The following NAMPT variants were observed in gnomAD, a reference collection of about 807,000 sequenced individuals.
The protein encoded by NAMPT is NAmPRTase.
NAMPT carries 7 observed loss-of-function variants against 58.7 expected under a neutral mutation model. The observed-to-expected ratio is 0.12, with a 90% CI of 0.07 to 0.22. The LOEUF is 0.22. NAMPT is among the 10% of genes least tolerant of loss of function. The pLI, the probability that NAMPT is intolerant of heterozygous loss-of-function variation, is 1.00. For missense variants in NAMPT, 271 were observed against 567.9 expected (o/e 0.48, Z 5.31); for synonymous variants, 145 against 198.1 (o/e 0.73, Z 2.25).
At chr7:106,259,914 A>G (rs1263226588) in intron 8 of NAMPT, among the ~76,000 whole-genome samples, 2 of 140,616 alleles carry the variant, frequency 1.4e-5, no homozygotes, top group African/African-American at 2.6e-5. Context: ...AGTCGGTCCC[A>G]ACAGTGGGCT....
At chr7:106,281,565 G>C (rs1013877175) in intron 1 of NAMPT, among the ~76,000 whole-genome samples, 1 of 152,202 alleles carries the variant, frequency 6.6e-6, no homozygotes, top group African/African-American at 2.4e-5. Context: ...GATACACTCT[G>C]CCCAACACTG....
In NAMPT at chr7:106,250,835, C is replaced by G. The variant is rs1586008284; in HGVS notation, c.*248G>C. The G allele has an allele frequency of 1.3e-5, 6 of 447,526 alleles. No individual in the cohort carries two copies. In the East Asian group the frequency reaches 2.5e-4, roughly 19 times the overall value. The allele number at this position is 447,526 out of a possible 1,614,324, so 27.7% of individuals were successfully genotyped here. ...CTGTTATTTGTGAAAAGATCAATAC[C>G]AGATTGAATGACTACCTATTGGCAA... On this transcript the variant is annotated 3_prime_UTR_variant, in exon 11 of 11. Transcript: ENST00000222553.
intron 1 of NAMPT, among the ~76,000 whole-genome samples, chr7:106,278,252 A>AGAT (rs1325999377): frequency 2.0e-5 from 3 of 152,328 alleles, no homozygotes; most frequent in African/African-American, 7.2e-5. Flanking sequence ...AAGAATCCTA[A>AGAT]GATGAATATA....
At chr7:106,270,223 C>A in intron 4 of NAMPT, 1 of 344,158 alleles carries the variant, frequency 2.9e-6, no homozygotes, top group South Asian at 2.2e-5. Context: ...AAATTCACTT[C>A]TTCATTCTAA....
intron 1 of NAMPT, among the ~76,000 whole-genome samples, chr7:106,283,009 G>C (rs1276830368): frequency 6.6e-6 from 1 of 152,084 alleles, no homozygotes; most frequent in African/African-American, 2.4e-5. Flanking sequence ...TGAAACCTAA[G>C]ACTTAAATGT....
intron 2 of NAMPT, chr7:106,276,477 T>G (rs1319386219): frequency 3.9e-5 from 6 of 152,444 alleles, no homozygotes; most frequent in Non-Finnish European, 5.9e-5. Flanking sequence ...TCCTTTACTT[T>G]GAATTAATGA....
At chr7:106,285,285 G>C (rs1157837539), upstream of NAMPT, 9 of 723,406 alleles carry the variant, frequency 1.2e-5, no homozygotes, top group South Asian at 5.6e-5. Context: ...TGGAGGCAGC[G>C]GGGCAGCCCC....
At chr7:106,274,889 G>T (rs1248675689) in intron 3 of NAMPT, 57 bp downstream of exon 3, 1 of 1,099,434 alleles carries the variant, frequency 9.1e-7, no homozygotes, top group African/African-American at 1.6e-5. Flanking sequence ...TCCTTTGCAA[G>T]AAGTTTTGAA....
chr7:106,269,386 T>TTC, intron 4 of NAMPT, 74 bp from the exon 5 acceptor site: 1 of 1,405,536 alleles, frequency 7.1e-7, no homozygotes, highest in East Asian at 2.4e-5. Flanking sequence ...TCCTAGCTTT[T>TTC]TTTTTTTTTT....
intron 8 of NAMPT, among the ~76,000 whole-genome samples, chr7:106,259,070 A>T (rs1328616216): frequency 6.6e-6 from 1 of 152,230 alleles, no homozygotes; most frequent in African/African-American, 2.4e-5. Context: ...CTTTGTTGTC[A>T]TTTCAACGAT....
Position 106,263,583 on chromosome 7 carries a change from C to G in NAMPT, c.778G>C (p.Asp260His). The G allele has an allele frequency of 3.1e-6, 5 of 1,613,166 alleles. No homozygotes were observed. The highest frequency in any genetic ancestry group is 4.2e-6 in the Non-Finnish European group (5 of 1,179,416). ...ITAWGKDHEK[D>H]AFEHIVTQFS... is the part of the protein sequence containing the mutation. The stretch of plus-strand genomic sequence containing the variant: ...TGTGTTACAATATGTTCAAAAGCAT[C>G]TTTTTCATGGTCTTTCCCCCAAGCT... Residue 260 changes from aspartate to histidine, a missense_variant, in exon 7 of 11, where the codon GAT becomes CAT. Transcript: ENST00000222553.
Position 106,272,718 on chromosome 7 carries a change from T to C in NAMPT, c.319-60A>G. 2 of 1,581,676 alleles carry C rather than the reference T, an allele frequency of 1.3e-6. 1 individual carries two copies. Among genetic ancestry groups the C allele is most frequent in the South Asian group, 2.2e-5 (2 of 88,962 alleles). ...CAGATGATACTCAATTCCCTGCTGTTTTACTAAAGGTTCTTTACGTTTTAT... is the reference window on the plus strand; with the variant it reads ...CAGATGATACTCAATTCCCTGCTGTCTTACTAAAGGTTCTTTACGTTTTAT... On this transcript the variant is annotated intron_variant, in intron 3 of 10. Transcript: ENST00000222553.
upstream of NAMPT, chr7:106,285,129 C>T (rs1216826281): frequency 4.6e-6 from 6 of 1,303,344 alleles, no homozygotes; most frequent in East Asian, 1.5e-4. Context: ...GGACTCCCCA[C>T]CTCGGTTCCC....
rs557334829 is a variant in NAMPT, at chr7:106,250,839, T to G, written c.*244A>C. Reference sequence around the variant, plus strand: ...TATTTGTGAAAAGATCAATACCAGATTGAATGACTACCTATTGGCAAAGGG... The same window carrying G: ...TATTTGTGAAAAGATCAATACCAGAGTGAATGACTACCTATTGGCAAAGGG... On this transcript the variant is annotated 3_prime_UTR_variant, in exon 11 of 11. Coordinates refer to ENST00000222553, the MANE Select transcript of NAMPT (RefSeq NM_005746.3). The G allele has an allele frequency of 2.2e-6, 1 of 463,946 alleles. No homozygotes were observed. The highest frequency in any genetic ancestry group is 4.0e-5 in the East Asian group (1 of 25,094). 28.7% of individuals were successfully genotyped at this position (463,946 alleles called of 1,614,324 possible).
chr7:106,259,081 G>A (rs1231307844), intron 8 of NAMPT, among the ~76,000 whole-genome samples: 3 of 152,182 alleles, frequency 2.0e-5, no homozygotes, highest in East Asian at 3.8e-4. Flanking sequence ...TTTCAACGAT[G>A]TTCACAGCAT....
intron 4 of NAMPT, chr7:106,272,075 A>G (rs1298486324): frequency 7.9e-6 from 3 of 377,398 alleles, no homozygotes; most frequent in Non-Finnish European, 1.1e-5. Context: ...GAGAAACTGA[A>G]AAGTAACAGA....
intron 2 of NAMPT, chr7:106,275,287 T>C (rs1490262191): frequency 1.4e-5 from 4 of 290,462 alleles, no homozygotes; most frequent in Non-Finnish European, 2.5e-5. Context: ...GAAAAAATTA[T>C]TACTTGCACA....
At chr7:106,272,086 T>C (rs368379170) in intron 4 of NAMPT, 207 of 382,956 alleles carry the variant, frequency 5.4e-4, no homozygotes, top group Non-Finnish European at 8.3e-4. Flanking sequence ...AAGTAACAGA[T>C]GGTAGATCCT....
chr7:106,285,245 T>G, upstream of NAMPT: 1 of 924,838 alleles, frequency 1.1e-6, no homozygotes, highest in Non-Finnish European at 1.3e-6. Flanking sequence ...ATGCACGCGC[T>G]CTTCCTCCCA....
Sources: allele counts gnomAD v4.1 joint callset (sites outside exome capture counted in the v4.1 genomes callset), GRCh38; gene constraint gnomAD v4.1.1; transcripts MANE v1.5; gene names NCBI Gene and HGNC (gene_info 2026-07-23, HGNC 2026-07-21).